AMD1: variants seen among roughly 807,000 people sequenced by gnomAD.
AMD1 encodes the protein S-adenosylmethionine decarboxylase proenzyme.
Under a neutral mutation model 40.2 loss-of-function variants are expected in AMD1, and 11 were observed. The ratio of observed to expected loss-of-function variants is 0.27; its 90% CI spans 0.17 to 0.45. AMD1 has a LOEUF of 0.45. Ranked by LOEUF, AMD1 falls within the 20% of genes least tolerant of loss-of-function variation. AMD1 has a pLI of 1.00. For synonymous variants in AMD1, 121 were observed against 130.8 expected (o/e 0.93, Z 0.51); for missense variants, 257 against 410.2 (o/e 0.63, Z 3.23).
At chr6:110,858,812 G>A in the AMD1 span, 1 of 772,046 alleles carries the variant, frequency 1.3e-6, no homozygotes, top group Admixed American at 1.7e-5. Flanking sequence ...GCATCTCTAC[G>A]ACCCCAAGAA....
At chr6:110,860,824 AACACCCACCCACACACAC>A in the AMD1 span, among the ~76,000 whole-genome samples, 11 of 133,466 alleles carry the variant, frequency 8.2e-5, no homozygotes, top group East Asian at 5.0e-4. Context: ...AACAAAACAA[AACACCCACCCACACACAC>A]ACACACACAC....
chr6:110,858,445 G>A, the AMD1 span: 1 of 1,016,612 alleles, frequency 9.8e-7, no homozygotes, highest in Non-Finnish European at 1.6e-6. Context: ...AGCTACAGCC[G>A]GGCTCAGTCC....
chr6:110,841,608 G>C, the AMD1 span, among the ~76,000 whole-genome samples: 1 of 151,634 alleles, frequency 6.6e-6, no homozygotes, highest in Non-Finnish European at 1.5e-5. Flanking sequence ...TAGATTGTGC[G>C]GTCTGGCTCC....
At chr6:110,858,280 G>C in the AMD1 span, 1 of 920,104 alleles carries the variant, frequency 1.1e-6, no homozygotes, top group Middle Eastern at 2.7e-4. Flanking sequence ...CGTACGGGCT[G>C]TCAGCCGAGA....
the AMD1 span, among the ~76,000 whole-genome samples, chr6:110,823,223 C>T: frequency 6.6e-6 from 1 of 152,114 alleles, no homozygotes; most frequent in East Asian, 1.9e-4. Flanking sequence ...AAGGAACATA[C>T]CTCAAAATAA....
intron 4 of AMD1, chr6:110,891,706 CTGGGA>C: frequency 1.2e-5 from 2 of 173,750 alleles, no homozygotes; most frequent in South Asian, 1.3e-4. Flanking sequence ...TCCTGCTTAT[CTGGGA>C]ATTTACCTAC....
intron 1 of AMD1, among the ~76,000 whole-genome samples, chr6:110,879,743 G>A (rs1295322954): frequency 6.6e-6 from 1 of 152,194 alleles, no homozygotes; most frequent in East Asian, 1.9e-4. Context: ...AGAAGCTGCA[G>A]TGACTTTGGA....
chr6:110,891,903 C>A, intron 4 of AMD1: 1 of 488,460 alleles, frequency 2.0e-6, no homozygotes, highest in South Asian at 2.3e-5. Context: ...CCAACACGCC[C>A]AGCTACTTTT....
At chr6:110,878,437 AT>A (rs1445018845) in intron 1 of AMD1, among the ~76,000 whole-genome samples, 10 of 152,320 alleles carry the variant, frequency 6.6e-5, no homozygotes, top group South Asian at 2.1e-4. Flanking sequence ...TGAACAAATT[AT>A]GTAATACTGA....
chr6:110,853,964 C>A, the AMD1 span, among the ~76,000 whole-genome samples: 3 of 152,170 alleles, frequency 2.0e-5, no homozygotes, highest in Non-Finnish European at 2.9e-5. Flanking sequence ...CATTTCCCTG[C>A]CCTGCTCTCC....
At chr6:110,887,703 T>C in intron 2 of AMD1, 112 bp downstream of exon 2, 1 of 742,656 alleles carries the variant, frequency 1.3e-6, no homozygotes, top group Non-Finnish European at 2.0e-6. Context: ...TTGTTTTGTT[T>C]TTTTGAGACG....
At position 110,894,820 on chromosome 6, in the gene AMD1, A is replaced by G. The variant is rs917701469; in HGVS notation, c.*1204A>G. 6.6e-6 allele frequency: 1 copy of G among 152,172 alleles called. No homozygotes were observed. Among genetic ancestry groups the G allele is most frequent in the Non-Finnish European group, 1.5e-5 (1 of 68,026 alleles). 9.4% of individuals were successfully genotyped at this position (152,172 alleles called of 1,614,324 possible). Reference sequence around the variant, plus strand: ...TGATGCATGTGAGTGTTCCGACTTCATCTGTTCCTCTTAACTACGGTGTTT... The same window carrying G: ...TGATGCATGTGAGTGTTCCGACTTCGTCTGTTCCTCTTAACTACGGTGTTT... On this transcript the variant is annotated 3_prime_UTR_variant, in exon 9 of 9. Coordinates refer to ENST00000368885, the MANE Select transcript of AMD1 (RefSeq NM_001634.6).
At chr6:110,861,140 C>T in the AMD1 span, among the ~76,000 whole-genome samples, 1 of 151,934 alleles carries the variant, frequency 6.6e-6, no homozygotes, top group Non-Finnish European at 1.5e-5. Context: ...GGGCGGATCA[C>T]GAGGTCAGGA....
At chr6:110,876,797 TAACCTAGAAAATCTTGGCAAG>T (rs145655790) in intron 1 of AMD1, among the ~76,000 whole-genome samples, 7 of 152,054 alleles carry the variant, frequency 4.6e-5, no homozygotes, top group Non-Finnish European at 7.3e-5. Context: ...TCAGGATAAT[TAACCTAGAAAATCTTGGCAAG>T]AACCTAGAAA....
the AMD1 span, among the ~76,000 whole-genome samples, chr6:110,837,713 GAAAAAAAAAAAAAAA>G: frequency 2.2e-3 from 44 of 19,904 alleles, no homozygotes; most frequent in African/African-American, 7.6e-3. Context: ...CTCCATCTCA[GAAAAAAAAAAAAAAA>G]AAAAAAAAAA....
chr6:110,859,031 A>G, the AMD1 span: 2 of 1,223,568 alleles, frequency 1.6e-6, no homozygotes, highest in South Asian at 1.2e-5. Context: ...GCCGGCAGAT[A>G]CATGACCCCA....
the AMD1 span, among the ~76,000 whole-genome samples, chr6:110,841,530 T>C: frequency 6.6e-6 from 1 of 152,200 alleles, no homozygotes; most frequent in African/African-American, 2.4e-5. Flanking sequence ...ACTTCCTCTT[T>C]TCCTTTGTTC....
chr6:110,848,654 T>A, the AMD1 span: 4 of 519,518 alleles, frequency 7.7e-6, no homozygotes, highest in African/African-American at 8.0e-5. Context: ...TGAGTTTTGA[T>A]ACATATCAGA....
chr6:110,862,330 G>GTTTT, the AMD1 span, among the ~76,000 whole-genome samples: 1 of 102,806 alleles, frequency 9.7e-6, no homozygotes, highest in Non-Finnish European at 2.1e-5. Flanking sequence ...TGATTGTTCT[G>GTTTT]TTTTTTTTTT....
Sources: allele counts gnomAD v4.1 joint callset (sites outside exome capture counted in the v4.1 genomes callset), GRCh38; gene constraint gnomAD v4.1.1; transcripts MANE v1.5; gene names NCBI Gene and HGNC (gene_info 2026-07-23, HGNC 2026-07-21).